DAB1: variants seen among roughly 807,000 people sequenced by gnomAD.
DAB1 encodes DAB adaptor protein 1.
DAB1 carries 15 observed loss-of-function variants against 64.6 expected under a neutral mutation model. The ratio of observed to expected loss-of-function variants is 0.23; its 90% confidence interval spans 0.16 to 0.36. The LOEUF (loss-of-function observed/expected upper bound fraction) is 0.36. DAB1 is among the 10% of genes least tolerant of loss of function. DAB1 has a pLI of 1.00. For missense variants in DAB1, 596 were observed against 706.7 expected, an observed-to-expected ratio of 0.84 and a Z score of 1.78; for synonymous variants, 235 against 251.9, an observed-to-expected ratio of 0.93 and a Z score of 0.64.
intron 7 of DAB1, among the ~76,000 whole-genome samples, chr1:57,495,344 G>A (rs1205082638): frequency 6.6e-6 from 1 of 152,148 alleles, no homozygotes; most frequent in Non-Finnish European, 1.5e-5. Flanking sequence ...TACTTAGTAA[G>A]AAATATCTTA....
intron 5 of DAB1, among the ~76,000 whole-genome samples, chr1:58,076,015 C>T (rs948948429): frequency 6.6e-6 from 1 of 152,082 alleles, no homozygotes; most frequent in Non-Finnish European, 1.5e-5. Context: ...GGACTCTGAT[C>T]AGCTCAACTT....
chr1:57,781,118 C>G (rs1277874646), intron 6 of DAB1, among the ~76,000 whole-genome samples: 13 of 54,562 alleles, frequency 2.4e-4, no homozygotes, highest in African/African-American at 1.1e-3. Flanking sequence ...CTCTCTCTCT[C>G]TCTCTCTCTA....
At chr1:58,125,344 G>C (rs564220415) in intron 5 of DAB1, among the ~76,000 whole-genome samples, 1 of 151,934 alleles carries the variant, frequency 6.6e-6, no homozygotes, top group East Asian at 1.9e-4. Context: ...GTTAATATAA[G>C]TTCCTTTCAT....
chr1:57,313,780 A>G (rs543952765), intron 1 of DAB1, among the ~76,000 whole-genome samples: 11 of 152,322 alleles, frequency 7.2e-5, no homozygotes, highest in Admixed American at 2.6e-4. Flanking sequence ...ACAGAAATTC[A>G]TACATTGAAA....
chr1:57,533,976 G>A (rs775474950), intron 7 of DAB1, among the ~76,000 whole-genome samples: 45 of 152,100 alleles, frequency 3.0e-4, no homozygotes, highest in Non-Finnish European at 5.7e-4. Context: ...TTGCTTCAAA[G>A]TAGAAGCATG....
At chr1:57,513,911 T>A (rs10443216) in intron 7 of DAB1, among the ~76,000 whole-genome samples, 1 of 139,410 alleles carries the variant, frequency 7.2e-6, no homozygotes, top group Admixed American at 6.7e-5. Flanking sequence ...AAAGTTCCAC[T>A]TTTTTTAGGT....
rs1408145 is a variant in DAB1 at position 57,786,130 on chromosome 1, G to A, written n.551+97869C>T. ...AACATTCACGGTTTTTAGCAACAAA[G>A]TATTTTCTAATTAAGGTATTCACAC... On this transcript the variant is annotated intron_variant and non_coding_transcript_variant, in intron 6 of 20. Transcript: ENST00000485760. Among the ~76,000 whole-genome samples, 4 of 152,080 alleles carry A rather than the reference G, an allele frequency of 2.6e-5. No individual in the cohort carries two copies. In the East Asian group the frequency reaches 5.8e-4, roughly 22 times the overall value.
intron 5 of DAB1, among the ~76,000 whole-genome samples, chr1:57,950,966 C>T (rs1253427487): frequency 6.6e-6 from 1 of 152,054 alleles, no homozygotes; most frequent in Admixed American, 6.6e-5. Flanking sequence ...AGAATATTTG[C>T]TATACTGAAT....
chr1:58,221,321 C>T (rs1000027238), intron 4 of DAB1, among the ~76,000 whole-genome samples: 1 of 152,136 alleles, frequency 6.6e-6, no homozygotes, highest in South Asian at 2.1e-4. Flanking sequence ...CAGAACTGAA[C>T]ACCTGACCCT....
intron 5 of DAB1, among the ~76,000 whole-genome samples, chr1:57,898,703 T>C (rs1644427667): frequency 6.6e-6 from 1 of 152,178 alleles, no homozygotes; most frequent in African/African-American, 2.4e-5. Context: ...TTGGTGTCTC[T>C]GCCCCCACTT....
intron 5 of DAB1, among the ~76,000 whole-genome samples, chr1:58,096,602 G>A (rs756731141): frequency 2.3e-4 from 35 of 152,336 alleles, no homozygotes; most frequent in Admixed American, 1.6e-3. Flanking sequence ...ACCACAAATT[G>A]AGATGGTTCA....
chr1:57,554,353 T>A (rs1644962663), intron 7 of DAB1, among the ~76,000 whole-genome samples: 1 of 152,262 alleles, frequency 6.6e-6, no homozygotes, highest in Non-Finnish European at 1.5e-5. Context: ...CCTAGCTTTG[T>A]GTTACTTACG....
At chr1:58,234,402 G>A (rs1659918962) in intron 4 of DAB1, among the ~76,000 whole-genome samples, 1 of 152,210 alleles carries the variant, frequency 6.6e-6, no homozygotes. Context: ...CTCAGAGGCA[G>A]AGCAAGAGAG....
intron 2 of DAB1, among the ~76,000 whole-genome samples, chr1:57,270,148 C>T (rs891552006): frequency 2.0e-5 from 3 of 152,182 alleles, no homozygotes; most frequent in South Asian, 2.1e-4. Context: ...TCCTCCTGCA[C>T]GCCACTCTGA....
At chr1:58,350,489 T>C (rs1016416889) in intron 3 of DAB1, among the ~76,000 whole-genome samples, 10 of 152,202 alleles carry the variant, frequency 6.6e-5, no homozygotes, top group Non-Finnish European at 1.2e-4. Context: ...AATTTTGGCT[T>C]TTGTTGCCAT....
chr1:58,148,146 C>A (rs956965752), intron 5 of DAB1, among the ~76,000 whole-genome samples: 1 of 152,168 alleles, frequency 6.6e-6, no homozygotes, highest in South Asian at 2.1e-4. Context: ...TAAGGCCAAG[C>A]TTTCTCTGTA....
chr1:57,657,061 C>A (rs1324097783), intron 6 of DAB1, among the ~76,000 whole-genome samples: 5 of 152,230 alleles, frequency 3.3e-5, no homozygotes. Context: ...CATGCTCTGG[C>A]ACCTGCCTGG....
chr1:57,501,844 T>C (rs1644292449), intron 7 of DAB1, among the ~76,000 whole-genome samples: 1 of 152,162 alleles, frequency 6.6e-6, no homozygotes, highest in Admixed American at 6.5e-5. Context: ...AATTTTAGCC[T>C]CCTCTCTTTG....
At chr1:57,529,563 T>C (rs577493301) in intron 7 of DAB1, among the ~76,000 whole-genome samples, 19 of 152,198 alleles carry the variant, frequency 1.2e-4, no homozygotes, top group Non-Finnish European at 2.4e-4. Flanking sequence ...AAACAAAATA[T>C]GTTGTGACTA....
Sources: allele counts gnomAD v4.1 joint callset (sites outside exome capture counted in the v4.1 genomes callset), GRCh38; gene constraint gnomAD v4.1.1; transcripts MANE v1.5; gene names NCBI Gene and HGNC (gene_info 2026-07-23, HGNC 2026-07-21).